The following TEK variants were observed in gnomAD, a reference collection of about 807,000 sequenced individuals.
The protein encoded by TEK is TEK receptor tyrosine kinase.
In TEK, 43 loss-of-function variants were observed where a neutral mutation model predicts 131.8. That is an observed-to-expected ratio of 0.33 (90% confidence interval 0.26 to 0.42). The LOEUF is 0.42. TEK is among the 10% of genes least tolerant of loss of function. The pLI is 1.00. For missense variants in TEK, 1,162 were observed against 1,384.4 expected, an observed-to-expected ratio of 0.84 and a Z score of 2.55; for synonymous variants, 580 against 491.6, an observed-to-expected ratio of 1.18 and a Z score of -2.38.
chr9:27,217,380 T>C (rs1040098290), intron 18 of TEK, among the ~76,000 whole-genome samples: 1 of 152,180 alleles, frequency 6.6e-6, no homozygotes, highest in Non-Finnish European at 1.5e-5. Context: ...TCAGTGTCTA[T>C]GCCTGTCTCC....
chr9:27,220,253 C>G (rs1458493798), intron 21 of TEK, 108 bp downstream of exon 21: 6 of 952,038 alleles, frequency 6.3e-6, no homozygotes, highest in South Asian at 5.5e-5. Flanking sequence ...ACACAAACAC[C>G]TACACACAGA....
In TEK at chr9:27,205,204, C is replaced by T. The variant is rs1825360511; in HGVS notation, c.2364+139C>T. 6.2e-6 allele frequency: 7 copies of T among 1,120,108 alleles called. No individual in the cohort carries two copies. The Admixed American group carries it at 6.4e-5, about 10-fold the overall frequency. The allele number at this position is 1,120,108 out of a possible 1,614,324, so 69.4% of individuals were successfully genotyped here. On this transcript the variant is annotated intron_variant, in intron 14 of 22. Coordinates refer to ENST00000380036, the MANE Select transcript of TEK (RefSeq NM_000459.5). ...CAAGCCTCATCTTCTCTTTGGCTTT[C>T]ATTATGAAATGGGAGATAAAAAGTA...
In TEK at chr9:27,218,516, C is replaced by T. The variant is rs554076008; in HGVS notation, c.3063-261C>T. 1.9e-3 allele frequency among the ~76,000 whole-genome samples: 284 copies of T among 152,216 alleles called. 2 individuals carry two copies. Among genetic ancestry groups the T allele is most frequent in the African/African-American group, 6.4e-3 (267 of 41,526 alleles). The stretch of plus-strand genomic sequence containing the variant: ...TGTCAAGCTCCACAACAAATTTCAT[C>T]TGTTTTGGACAGTACCACCTTGTAG... On this transcript the variant is annotated intron_variant, in intron 19 of 22. Transcript: ENST00000380036.
intron 1 of TEK, among the ~76,000 whole-genome samples, chr9:27,147,047 G>A (rs866443469): frequency 1.6e-4 from 24 of 152,232 alleles, no homozygotes; most frequent in African/African-American, 4.3e-4. Flanking sequence ...TTGTATGAAT[G>A]TACATTTTCA....
intron 1 of TEK, among the ~76,000 whole-genome samples, chr9:27,127,624 A>G (rs943509255): frequency 2.0e-5 from 3 of 152,194 alleles, no homozygotes; most frequent in Non-Finnish European, 4.4e-5. Flanking sequence ...CTATTTCTCC[A>G]TATCCTCCAG....
rs138708761 is a variant in TEK at position 27,173,237 on chromosome 9, C to A, written c.776C>A (p.Thr259Lys). Reference sequence around the variant, plus strand: ...CCTCCCAAAGCTTGTGAACTGCACACGTTTGGCAGAACTTGTAAAGAAAGG... The same window carrying A: ...CCTCCCAAAGCTTGTGAACTGCACAAGTTTGGCAGAACTTGTAAAGAAAGG... ...RTCEKACELH[T>K]FGRTCKERCS... The change falls in exon 6 of 23, where the codon ACG (threonine) becomes AAG (lysine). Residue 259 changes from threonine (T) to lysine (K), a missense_variant. Thr to Lys is a moderately conservative substitution (Grantham distance 78). This residue lies in a region of TEK where 436 missense variants were observed against 539.1 expected (regional missense o/e 0.81). Coordinates refer to ENST00000380036, the MANE Select transcript of TEK (RefSeq NM_000459.5). 6.2e-7 allele frequency: 1 copy of A among 1,613,880 alleles called. No individual in the cohort carries two copies. Among genetic ancestry groups the A allele is most frequent in the East Asian group, 2.2e-5 (1 of 44,872 alleles).
chr9:27,130,962 A>G (rs935216754), intron 1 of TEK, among the ~76,000 whole-genome samples: 1 of 152,228 alleles, frequency 6.6e-6, no homozygotes, highest in Admixed American at 6.5e-5. Flanking sequence ...AGTAATTCAC[A>G]AAAGGAGGAA....
chr9:27,179,905 AAACAC>A (rs914877467), intron 6 of TEK, among the ~76,000 whole-genome samples: 1 of 152,128 alleles, frequency 6.6e-6, no homozygotes, highest in Non-Finnish European at 1.5e-5. Flanking sequence ...GAAAATTGGG[AAACAC>A]ATCATTCCCA....
chr9:27,154,984 G>A (rs2131113571), intron 1 of TEK, among the ~76,000 whole-genome samples: 1 of 152,342 alleles, frequency 6.6e-6, no homozygotes, highest in East Asian at 1.9e-4. Flanking sequence ...ATTTCCTAAA[G>A]CTATTAAATA....
At chr9:27,187,838 A>AAT (rs1824656757) in intron 9 of TEK, among the ~76,000 whole-genome samples, 1 of 152,064 alleles carries the variant, frequency 6.6e-6, no homozygotes, top group Admixed American at 6.6e-5. Flanking sequence ...CTTGTGTCCT[A>AAT]ATTTAATCCT....
chr9:27,132,879 TAGAG>T (rs540914836), intron 1 of TEK, among the ~76,000 whole-genome samples: 46 of 152,136 alleles, frequency 3.0e-4, no homozygotes, highest in African/African-American at 9.9e-4. Flanking sequence ...GACAGAGAAA[TAGAG>T]AGATGACAGA....
At chr9:27,192,717 GA>G in intron 11 of TEK, 94 bp downstream of exon 11, 1 of 500,810 alleles carries the variant, frequency 2.0e-6, no homozygotes. Flanking sequence ...GGTGGTGGGT[GA>G]GTGGGTGGGT....
intron 1 of TEK, among the ~76,000 whole-genome samples, chr9:27,126,035 T>C (rs1479405299): frequency 6.6e-6 from 1 of 152,230 alleles, no homozygotes; most frequent in Non-Finnish European, 1.5e-5. Context: ...ATTGTTGTTA[T>C]TCATGGTGCT....
intron 9 of TEK, among the ~76,000 whole-genome samples, chr9:27,188,694 C>T (rs1016626256): frequency 6.6e-6 from 1 of 152,122 alleles, no homozygotes; most frequent in Non-Finnish European, 1.5e-5. Context: ...CTTCCTAAGT[C>T]GTCACTTAGT....
At chr9:27,163,859 G>A (rs56930080) in intron 2 of TEK, among the ~76,000 whole-genome samples, 11,449 of 152,208 alleles carry the variant, frequency 0.075, 484 homozygotes, top group Middle Eastern at 0.14. Flanking sequence ...CTGAAATTGA[G>A]CTCACTTGTT....
intron 1 of TEK, among the ~76,000 whole-genome samples, chr9:27,153,681 A>G (rs1823217172): frequency 1.3e-5 from 2 of 152,194 alleles, no homozygotes; most frequent in South Asian, 4.1e-4. Context: ...TAGCGCTATA[A>G]TGTAAGAAAG....
rs145574185 is a variant in TEK at position 27,135,311 on chromosome 9, C to T, written c.53-22520C>T. On this transcript the variant is annotated intron_variant, in intron 1 of 22. Transcript: ENST00000380036. ...AGCCCACCCTTAGACCTCATTTTCT[C>T]TCCATATAAGATAAAAAATGCCACC... Among the ~76,000 whole-genome samples, 1,355 of 151,458 alleles carry T rather than the reference C, an allele frequency of 8.9e-3. 20 individuals are homozygous for T. Among genetic ancestry groups the T allele is most frequent in the African/African-American group, 0.031 (1,287 of 41,300 alleles).
At chr9:27,183,381 A>G in intron 7 of TEK, 78 bp from the exon 8 acceptor site, 1 of 1,500,020 alleles carries the variant, frequency 6.7e-7, no homozygotes, top group Non-Finnish European at 9.3e-7. Flanking sequence ...TGACTTACTA[A>G]AGTAGCTATT....
At chr9:27,130,613 A>C (rs534719862) in intron 1 of TEK, among the ~76,000 whole-genome samples, 2 of 151,728 alleles carry the variant, frequency 1.3e-5, no homozygotes, top group Admixed American at 6.6e-5. Flanking sequence ...ATGGTAAATA[A>C]AAGATTAAAG....
Sources: gnomAD v4.1 joint callset for allele counts (sites outside exome capture counted in the v4.1 genomes callset) on GRCh38, gnomAD v4.1.1 for gene constraint, gnomAD v4.1.1 regional missense constraint, MANE v1.5 for transcripts, NCBI Gene and HGNC (gene_info 2026-07-23, HGNC 2026-07-21) for gene names.